ERCC5: variants seen among roughly 807,000 people sequenced by gnomAD.
ERCC5 encodes the protein DNA excision repair protein ERCC-5.
Under a neutral mutation model 105.6 loss-of-function variants are expected in ERCC5, and 68 were observed. That is an observed-to-expected ratio of 0.64 (90% CI 0.53 to 0.79). The LOEUF (loss-of-function observed/expected upper bound fraction) is 0.79, where lower values mean the gene tolerates loss of function less well. Ranked by LOEUF, ERCC5 falls within the 30% of genes least tolerant of loss-of-function variation. The pLI, the probability that ERCC5 is intolerant of heterozygous loss-of-function variation, is 0.00. For missense variants in ERCC5, 1,373 were observed against 1,426.7 expected (o/e 0.96, Z 0.61); for synonymous variants, 546 against 526.2 (o/e 1.04, Z -0.51).
At chr13:102,849,825 C>G (rs1882131096) in intron 1 of ERCC5, among the ~76,000 whole-genome samples, 1 of 152,136 alleles carries the variant, frequency 6.6e-6, no homozygotes, top group African/African-American at 2.4e-5. Flanking sequence ...AGAAAAAATG[C>G]TGCCACATAA....
intron 13 of ERCC5, 88 bp from the exon 14 acceptor site, chr13:102,873,171 T>A: frequency 6.6e-7 from 1 of 1,508,664 alleles, no homozygotes; most frequent in Non-Finnish European, 9.2e-7. Context: ...ATACAGGGAA[T>A]GGAATCAAGA....
chr13:102,864,779 C>G (rs970087022), intron 8 of ERCC5: 1 of 152,174 alleles, frequency 6.6e-6, no homozygotes, highest in African/African-American at 2.4e-5. Flanking sequence ...CAGGCCTTTT[C>G]AGCAACAGTG....
intron 1 of ERCC5, chr13:102,849,574 C>A (rs748997664): frequency 2.4e-5 from 9 of 368,470 alleles, no homozygotes; most frequent in Non-Finnish European, 3.7e-5. Flanking sequence ...TGTTGATGGA[C>A]CTACATTTTT....
In ERCC5 at chr13:102,852,265, A is replaced by G. The variant is rs752741301; in HGVS notation, c.236A>G (p.Asp79Gly). The G allele has an allele frequency of 5.0e-6, 8 of 1,613,946 alleles. No homozygotes were observed. Among genetic ancestry groups the G allele is most frequent in the Non-Finnish European group, 6.8e-6 (8 of 1,180,006 alleles). The change falls in exon 2 of 15, where the codon GAT (aspartate) becomes GGT (glycine). Residue 79 changes from aspartate to glycine, a missense_variant. By Grantham distance (94) the Asp-to-Gly change is moderately conservative (BLOSUM62 -1). Transcript: ENST00000652225. ...RIRPIFVFDGDAPLLKKQTLV... is the reference protein window; with the variant it reads ...RIRPIFVFDGGAPLLKKQTLV... Reference sequence around the variant, plus strand: ...CGTCCTATTTTTGTGTTTGATGGGGATGCTCCACTATTGAAGAAACAGACT... The same window carrying G: ...CGTCCTATTTTTGTGTTTGATGGGGGTGCTCCACTATTGAAGAAACAGACT...
rs572699407 is a variant in ERCC5, at chr13:102,875,982, C to G, written c.*79C>G. 2.0e-6 allele frequency: 3 copies of G among 1,537,028 alleles called. No individual in the cohort carries two copies. Among genetic ancestry groups the G allele is most frequent in the South Asian group, 2.3e-5 (2 of 87,098 alleles). ...TGTCGCAAAGACGTAATAAAATTAA[C>G]TGGTGGCACGGTCTTTGTATTTAGT... On this transcript the variant is annotated 3_prime_UTR_variant, in exon 15 of 15. Coordinates refer to ENST00000652225, the MANE Select transcript of ERCC5 (RefSeq NM_000123.4).
intron 12 of ERCC5, among the ~76,000 whole-genome samples, chr13:102,871,286 C>T (rs1489602639): frequency 2.0e-5 from 3 of 152,218 alleles, no homozygotes; most frequent in Non-Finnish European, 4.4e-5. Context: ...ACTGGTCAGC[C>T]ATGGCCGCCC....
intron 1 of ERCC5, among the ~76,000 whole-genome samples, chr13:102,846,658 C>T (rs1469142869): frequency 6.6e-6 from 1 of 152,190 alleles, no homozygotes; most frequent in Non-Finnish European, 1.5e-5. Flanking sequence ...TTCTAGCTTA[C>T]TTGTAATGCC....
chr13:102,862,255 C>T lies in ERCC5; in HGVS notation c.1106C>T (p.Ala369Val), dbSNP rs773179441. ...EELESENRRQARGRNAPAAVD... is the reference protein window; with the variant it reads ...EELESENRRQVRGRNAPAAVD... ...CTGGAGAGTGAAAATCGAAGGCAGGCCCGTGGGAGGAACGCACCTGCTGCT... is the reference window on the plus strand; with the variant it reads ...CTGGAGAGTGAAAATCGAAGGCAGGTCCGTGGGAGGAACGCACCTGCTGCT... Residue 369 changes from alanine to valine, a missense_variant, in exon 8 of 15, where the codon GCC becomes GTC. Ala to Val is a moderately conservative substitution (Grantham distance 64). Coordinates refer to ENST00000652225, the MANE Select transcript of ERCC5 (RefSeq NM_000123.4). 84 of 1,614,014 alleles carry T rather than the reference C, an allele frequency of 5.2e-5. No homozygotes were observed. Among genetic ancestry groups the T allele is most frequent in the Non-Finnish European group, 6.9e-5 (81 of 1,180,050 alleles).
At chr13:102,869,781 T>C (rs1470852080) in intron 12 of ERCC5, among the ~76,000 whole-genome samples, 1 of 152,242 alleles carries the variant, frequency 6.6e-6, no homozygotes, top group Non-Finnish European at 1.5e-5. Flanking sequence ...AGTGAAATAG[T>C]ATCTGACTTT....
chr13:102,848,022 G>T (rs551710104), intron 1 of ERCC5, among the ~76,000 whole-genome samples: 1 of 152,300 alleles, frequency 6.6e-6, no homozygotes, highest in Admixed American at 6.5e-5. Flanking sequence ...AGCTGGACGT[G>T]GTGGCCTGCA....
At chr13:102,855,852 T>C (rs979856707) in intron 4 of ERCC5, among the ~76,000 whole-genome samples, 200 bp from the exon 5 acceptor site, 1 of 152,186 alleles carries the variant, frequency 6.6e-6, no homozygotes, top group Admixed American at 6.5e-5. Flanking sequence ...TGCCCTTCCC[T>C]TGTGGTGGAA....
intron 6 of ERCC5, among the ~76,000 whole-genome samples, chr13:102,859,274 GT>G (rs1202081750): frequency 6.6e-6 from 1 of 152,154 alleles, no homozygotes; most frequent in Non-Finnish European, 1.5e-5. Flanking sequence ...TAGATGGAGT[GT>G]TTTTTTATTT....
At position 102,862,836 on chromosome 13, in the gene ERCC5, A is replaced by G; in HGVS notation, c.1687A>G (p.Ser563Gly). The G allele has an allele frequency of 6.2e-7, 1 of 1,614,248 alleles. No homozygotes were observed. The highest frequency in any genetic ancestry group is 1.3e-5 in the African/African-American group (1 of 75,070). The change falls in exon 8 of 15, where the codon AGT (serine) becomes GGT (glycine). Residue 563 changes from serine (S) to glycine (G), a missense_variant. Ser to Gly is a moderately conservative substitution (Grantham distance 56). Around this residue, in one of 3 missense-constraint regions of ERCC5, gnomAD observed 1,004 missense variants for 1,059.7 expected, o/e 0.95. Transcript: ENST00000652225. The part of the protein sequence containing the change: ...ESKFDSSLLS[S>G]DDETKCKPNS... ...TAAATTCGATTCTTCTCTTCTTTCA[A>G]GTGATGATGAAACAAAATGTAAACC...
At chr13:102,870,474 C>T (rs762702441) in intron 12 of ERCC5, among the ~76,000 whole-genome samples, 1 of 152,074 alleles carries the variant, frequency 6.6e-6, no homozygotes. Flanking sequence ...AGACACCTTC[C>T]TCCTTTCATC....
chr13:102,846,266 C>T lies in ERCC5; in HGVS notation c.-1C>T, dbSNP rs587777944. ...GTCCGCTCTTAGGACGCAGCCGCCT[C>T]ATGGGGGTCCAGGGGCTCTGGAAGC... On this transcript the variant is annotated 5_prime_UTR_variant, in exon 1 of 15. Coordinates refer to ENST00000652225, the MANE Select transcript of ERCC5 (RefSeq NM_000123.4). 6.8e-6 allele frequency: 11 copies of T among 1,612,880 alleles called. No individual in the cohort carries two copies. The highest frequency in any genetic ancestry group is 7.6e-6 in the Non-Finnish European group (9 of 1,179,552).
intron 12 of ERCC5, among the ~76,000 whole-genome samples, chr13:102,870,711 TATA>T (rs749141721): frequency 4.3e-4 from 65 of 152,318 alleles, no homozygotes; most frequent in Non-Finnish European, 7.2e-4. Context: ...ATTTTGTTGT[TATA>T]ATACTTTGAA....
rs914400125 is a variant in ERCC5 at position 102,862,804 on chromosome 13, A to G, written c.1655A>G (p.Tyr552Cys). 2.5e-6 allele frequency: 4 copies of G among 1,614,236 alleles called. No homozygotes were observed. Among genetic ancestry groups the G allele is most frequent in the Non-Finnish European group, 3.4e-6 (4 of 1,180,036 alleles). Residue 552 changes from tyrosine (Y) to cysteine (C), a missense_variant, in exon 8 of 15, where the codon TAT becomes TGT. Tyr to Cys is a radical substitution (Grantham distance 194). This residue lies in a region of ERCC5 where 1,004 missense variants were observed against 1,059.7 expected (regional missense o/e 0.95). Transcript: ENST00000652225. Reference sequence around the variant, plus strand: ...GAGCAGCAGAACGAACTTTGCCCATATGAGAGTAAATTCGATTCTTCTCTT... The same window carrying G: ...GAGCAGCAGAACGAACTTTGCCCATGTGAGAGTAAATTCGATTCTTCTCTT... ...VLEQQNELCP[Y>C]ESKFDSSLLS...
chr13:102,863,113 T>C lies in ERCC5; in HGVS notation c.1954+10T>C. 2.5e-6 allele frequency: 4 copies of C among 1,611,894 alleles called. No homozygotes were observed. The highest frequency in any genetic ancestry group is 3.4e-6 in the Non-Finnish European group (4 of 1,179,598). ...GAAAGTGAATCTGATGGTACGTGTC[T>C]GTGCTTTTGTAGAAATCTGGAACGG... On this transcript the variant is annotated intron_variant, in intron 8 of 14. Transcript: ENST00000652225.
intron 2 of ERCC5, among the ~76,000 whole-genome samples, chr13:102,853,350 G>A (rs751084933): frequency 1.3e-5 from 2 of 152,112 alleles, no homozygotes; most frequent in Non-Finnish European, 2.9e-5. Context: ...CTTGAATATT[G>A]AAGGGCAGAA....
Sources: allele counts gnomAD v4.1 joint callset (sites outside exome capture counted in the v4.1 genomes callset), GRCh38; gene constraint gnomAD v4.1.1; regional missense constraint gnomAD v4.1.1; transcripts MANE v1.5; gene names NCBI Gene and HGNC (gene_info 2026-07-23, HGNC 2026-07-21).